Variants in MTOR observed in about 807,000 individuals in gnomAD.
MTOR encodes the protein serine/threonine-protein kinase mTOR.
MTOR carries 70 observed loss-of-function variants against 319.8 expected under a neutral mutation model. The ratio of observed to expected loss-of-function variants is 0.22; its 90% CI spans 0.18 to 0.27. The LOEUF is 0.27. MTOR is among the 10% of genes least tolerant of loss of function. The pLI is 1.00. For synonymous variants in MTOR, 1,183 were observed against 1,211.4 expected, an observed-to-expected ratio of 0.98 and a Z score of 0.49; for missense variants, 1,890 against 3,274.4, an observed-to-expected ratio of 0.58 and a Z score of 10.32.
intron 18 of MTOR, among the ~76,000 whole-genome samples, chr1:11,230,517 G>A (rs1369314864): frequency 1.3e-5 from 2 of 152,130 alleles, no homozygotes; most frequent in Non-Finnish European, 2.9e-5. Flanking sequence ...CCTGAGCCTC[G>A]CCTCTGATTT....
At chr1:11,156,201 G>A (rs1404594475) in intron 30 of MTOR, among the ~76,000 whole-genome samples, 2 of 152,102 alleles carry the variant, frequency 1.3e-5, no homozygotes, top group African/African-American at 4.8e-5. Context: ...TGTTGGCCAG[G>A]CTGGTCTCAA....
intron 30 of MTOR, among the ~76,000 whole-genome samples, chr1:11,151,295 G>A (rs1279623124): frequency 6.6e-6 from 1 of 152,122 alleles, no homozygotes; most frequent in Non-Finnish European, 1.5e-5. Flanking sequence ...TCTGGCACAT[G>A]ATCAAGAAAA....
intron 19 of MTOR, among the ~76,000 whole-genome samples, chr1:11,218,408 C>T (rs149252894): frequency 1.4e-3 from 209 of 149,952 alleles, no homozygotes; most frequent in African/African-American, 4.7e-3. Flanking sequence ...CCAACCTGGG[C>T]GACAGGGCGA....
At chr1:11,252,189 C>T (rs997141604) in intron 6 of MTOR, among the ~76,000 whole-genome samples, 1 of 152,046 alleles carries the variant, frequency 6.6e-6, no homozygotes, top group Non-Finnish European at 1.5e-5. Flanking sequence ...AGTTATAACA[C>T]CTTATACAAA....
Position 11,109,707 on chromosome 1 carries a change from A to G in MTOR, c.7389T>C (p.Leu2463=). ...CCGTTTTCTTATGGGCTGGCTCTCCAAGTTCCACACCGTCCAAAATTTCTA... is the reference window on the plus strand; with the variant it reads ...CCGTTTTCTTATGGGCTGGCTCTCCGAGTTCCACACCGTCCAAAATTTCTA... ...QSVEILDGVE[L]GEPAHKKTGT... is the part of the protein sequence containing the mutation. Residue 2463 remains leucine (L), a synonymous_variant, in exon 55 of 58, where the codon CTT becomes CTC. Coordinates refer to ENST00000361445, the MANE Select transcript of MTOR (RefSeq NM_004958.4). This position sits in a 1 kb window ranked among gnomAD's most constrained non-coding sequence, Gnocchi z 4.0. 6.2e-7 allele frequency: 1 copy of G among 1,614,120 alleles called. No homozygotes were observed. Among genetic ancestry groups the G allele is most frequent in the Non-Finnish European group, 8.5e-7 (1 of 1,180,006 alleles).
intron 28 of MTOR, among the ~76,000 whole-genome samples, chr1:11,169,225 A>G (rs1326823892): frequency 6.6e-6 from 1 of 152,262 alleles, no homozygotes; most frequent in Admixed American, 6.5e-5. Flanking sequence ...TTGTGAAAGT[A>G]ATAATCTAAT....
intron 28 of MTOR, chr1:11,195,167 A>C (rs1571135692): frequency 1.1e-6 from 1 of 940,266 alleles, no homozygotes. Context: ...GTCTCCAAGG[A>C]GCACAAAAAA....
At chr1:11,119,283 G>A (rs1557744261) in intron 49 of MTOR, among the ~76,000 whole-genome samples, 2 of 151,764 alleles carry the variant, frequency 1.3e-5, no homozygotes, top group South Asian at 4.2e-4. Flanking sequence ...ATACAAAAGA[G>A]TGGCCGGGAA....
chr1:11,198,081 AAATT>A lies in MTOR; in HGVS notation c.4253+1173_4253+1176del, dbSNP rs559654935. Among the ~76,000 whole-genome samples, 135 of 152,354 alleles carry A rather than the reference AAATT, an allele frequency of 8.9e-4. No homozygotes were observed. The Middle Eastern group carries it at 0.01, about 12-fold the overall frequency. ...ATAGGTCTCAAACAGGTGAGCAAGG[AAATT>A]AATATGCAAAATGAGTTATCTGACC... is the stretch of plus-strand genomic sequence containing the variant. On this transcript the variant is annotated intron_variant, in intron 28 of 57. Coordinates refer to ENST00000361445, the MANE Select transcript of MTOR (RefSeq NM_004958.4).
At chr1:11,226,843 T>C (rs1025407143) in intron 19 of MTOR, among the ~76,000 whole-genome samples, 2 of 152,134 alleles carry the variant, frequency 1.3e-5, no homozygotes, top group Non-Finnish European at 2.9e-5. Flanking sequence ...TACTTTTCCT[T>C]ACTGTGTCAC....
chr1:11,142,477 G>A (rs1643760457), intron 34 of MTOR, among the ~76,000 whole-genome samples: 1 of 151,988 alleles, frequency 6.6e-6, no homozygotes, highest in Non-Finnish European at 1.5e-5. Context: ...TTTTCTTTTA[G>A]CAGAGAGGGG....
intron 28 of MTOR, chr1:11,192,153 T>TG (rs1645563187): frequency 5.2e-6 from 4 of 774,148 alleles, no homozygotes; most frequent in Non-Finnish European, 8.7e-6. Flanking sequence ...CAGACACTGA[T>TG]GGGTAATTAA....
chr1:11,189,469 C>A, intron 28 of MTOR: 1 of 1,315,956 alleles, frequency 7.6e-7, no homozygotes, highest in Non-Finnish European at 1.0e-6. Context: ...TGGCGAGGCC[C>A]TCAGAGTGAA....
chr1:11,248,280 T>C (rs555857903), intron 6 of MTOR, among the ~76,000 whole-genome samples, 186 bp from the exon 7 acceptor site: 1 of 152,250 alleles, frequency 6.6e-6, no homozygotes, highest in Admixed American at 6.5e-5. Flanking sequence ...CCTGATTTTG[T>C]TCTAAGTTAG....
Position 11,172,522 on chromosome 1 carries a change from T to G in MTOR, c.4254-5005A>C, listed in dbSNP as rs914071111. 3.0e-5 allele frequency among the ~76,000 whole-genome samples: 4 copies of G among 132,276 alleles called. No individual in the cohort carries two copies. The Admixed American group carries it at 3.4e-4, about 11-fold the overall frequency. 86.8% of individuals were successfully genotyped at this position (132,276 alleles called of 152,430 possible). On this transcript the variant is annotated intron_variant, in intron 28 of 57. Coordinates refer to ENST00000361445, the MANE Select transcript of MTOR (RefSeq NM_004958.4). ...TTGCTGTGAGCCGAGATCACACCAC[T>G]GCATTCCAACCTGGGTGACCGCGAG...
rs1475843107 is a variant in MTOR, at chr1:11,127,939, A to G, written c.6033+65T>C. 1 of 1,600,364 alleles carries G rather than the reference A, an allele frequency of 6.2e-7. No homozygotes were observed. The highest frequency in any genetic ancestry group is 8.5e-7 in the Non-Finnish European group (1 of 1,174,654). On this transcript the variant is annotated intron_variant, in intron 43 of 57. Transcript: ENST00000361445. This position sits in a 1 kb window ranked among gnomAD's most constrained non-coding sequence, Gnocchi z 5.5. ...AGCACCAATGCGAGGAAGAAAAACA[A>G]TCCCACTTGCGCCCACCAGCTAAGG...
At chr1:11,237,013 AGAGT>A (rs1206939886) in intron 13 of MTOR, among the ~76,000 whole-genome samples, 2 of 152,224 alleles carry the variant, frequency 1.3e-5, no homozygotes, top group Non-Finnish European at 2.9e-5. Context: ...ACATTTCTCT[AGAGT>A]GAGTTACATA....
intron 29 of MTOR, among the ~76,000 whole-genome samples, chr1:11,159,469 C>G (rs1644408273): frequency 6.6e-6 from 1 of 152,008 alleles, no homozygotes; most frequent in African/African-American, 2.4e-5. Flanking sequence ...TGGAGAAACC[C>G]TGTCTCTAAT....
At chr1:11,171,623 C>T (rs1377178646) in intron 28 of MTOR, among the ~76,000 whole-genome samples, 2 of 152,050 alleles carry the variant, frequency 1.3e-5, no homozygotes, top group African/African-American at 2.4e-5. Flanking sequence ...TTAGGGACCT[C>T]GAAAGAGAAA....
Sources: gnomAD v4.1 joint callset for allele counts (sites outside exome capture counted in the v4.1 genomes callset) on GRCh38, gnomAD v4.1.1 for gene constraint, Gnocchi (gnomAD v3.1) non-coding constraint, MANE v1.5 for transcripts, NCBI Gene and HGNC (gene_info 2026-07-23, HGNC 2026-07-21) for gene names.